The following GRIK4 variants were observed in gnomAD, a reference collection of about 807,000 sequenced individuals.
GRIK4 encodes glutamate receptor ionotropic, kainate 4.
A neutral mutation model predicts 104.9 loss-of-function variants in GRIK4; 40 were observed. The observed-to-expected ratio is 0.38, with a 90% CI of 0.30 to 0.50. The LOEUF is 0.50. Ranked by LOEUF, GRIK4 falls within the 20% of genes least tolerant of loss-of-function variation. The pLI, the probability that GRIK4 is intolerant of heterozygous loss-of-function variation, is 0.93. For missense variants in GRIK4, 1,047 were observed against 1,308.1 expected, an observed-to-expected ratio of 0.80 and a Z score of 3.08; for synonymous variants, 485 against 524.9, an observed-to-expected ratio of 0.92 and a Z score of 1.04.
chr11:120,623,781 G>A (rs898281944), intron 1 of GRIK4, among the ~76,000 whole-genome samples: 6 of 152,176 alleles, frequency 3.9e-5, no homozygotes, highest in African/African-American at 1.2e-4. Flanking sequence ...GCAGGGTCAC[G>A]TGTTCATCCA....
At chr11:120,893,306 G>A (rs1014668186) in intron 11 of GRIK4, among the ~76,000 whole-genome samples, 1 of 152,132 alleles carries the variant, frequency 6.6e-6, no homozygotes, top group African/African-American at 2.4e-5. Flanking sequence ...TTCTATGTAC[G>A]TGCAAACACA....
chr11:120,527,197 T>G (rs1947866388), intron 1 of GRIK4, among the ~76,000 whole-genome samples: 1 of 152,210 alleles, frequency 6.6e-6, no homozygotes, highest in Non-Finnish European at 1.5e-5. Flanking sequence ...CTTTGGCTTC[T>G]GGAGCTGCGT....
intron 3 of GRIK4, among the ~76,000 whole-genome samples, chr11:120,722,642 C>T (rs116757541): frequency 0.016 from 2,390 of 152,124 alleles, 56 homozygotes; most frequent in African/African-American, 0.054. Context: ...TGGGGCTTTT[C>T]CAAAGAGACA....
At chr11:120,645,757 C>G (rs539886959) in intron 1 of GRIK4, among the ~76,000 whole-genome samples, 1 of 152,352 alleles carries the variant, frequency 6.6e-6, no homozygotes, top group Admixed American at 6.5e-5. Context: ...TGGCGCCCGC[C>G]TTCACGTTCC....
chr11:120,601,340 C>T (rs868632840), intron 1 of GRIK4, among the ~76,000 whole-genome samples: 1 of 151,632 alleles, frequency 6.6e-6, no homozygotes, highest in African/African-American at 2.4e-5. Context: ...CGGGAGGTGG[C>T]GGTTGCAGTG....
chr11:120,967,134 A>T lies in GRIK4; in HGVS notation c.2267-61A>T, dbSNP rs1591342930. 1.3e-6 allele frequency: 2 copies of T among 1,546,354 alleles called. No homozygotes were observed. Among genetic ancestry groups the T allele is most frequent in the East Asian group, 4.6e-5 (2 of 43,358 alleles). The stretch of plus-strand genomic sequence containing the variant: ...CAGGAGGTGTGCCGGGAAGGGGAGC[A>T]GAGTGACACCTAACAGGGCATTCAC... On this transcript the variant is annotated intron_variant, in intron 18 of 20. Coordinates refer to ENST00000527524, the MANE Select transcript of GRIK4 (RefSeq NM_014619.5). The surrounding 1 kb of genome is among the most constrained non-coding windows in gnomAD (Gnocchi z 4.2).
chr11:120,922,346 C>G (rs903740538), intron 13 of GRIK4, among the ~76,000 whole-genome samples: 1 of 152,104 alleles, frequency 6.6e-6, no homozygotes. Context: ...TGCAGAGCTG[C>G]CCCCAGCAGT....
intron 3 of GRIK4, among the ~76,000 whole-genome samples, chr11:120,722,564 T>G (rs944425885): frequency 2.0e-5 from 3 of 151,442 alleles, no homozygotes; most frequent in African/African-American, 7.3e-5. Context: ...GCTGAGATCG[T>G]GCCATTGTAC....
At chr11:120,534,836 G>A (rs1947956639) in intron 1 of GRIK4, among the ~76,000 whole-genome samples, 1 of 152,174 alleles carries the variant, frequency 6.6e-6, no homozygotes, top group Non-Finnish European at 1.5e-5. Context: ...GCAGAGGTTT[G>A]AGGGAGCACT....
intron 13 of GRIK4, among the ~76,000 whole-genome samples, chr11:120,938,959 C>T (rs1943658574): frequency 6.6e-6 from 1 of 152,136 alleles, no homozygotes; most frequent in Non-Finnish European, 1.5e-5. Flanking sequence ...TAGGTGGCCC[C>T]ATAGACAGCA....
In GRIK4 at chr11:120,706,977, G is replaced by A. The variant is rs144948331; in HGVS notation, c.82+46577G>A. ...CCATGTCAGGCACCATGAAAAGAGC[G>A]AATAGCTACCAATCCTCTCTGACTT... On this transcript the variant is annotated intron_variant, in intron 3 of 20. Transcript: ENST00000527524. 2.4e-3 allele frequency among the ~76,000 whole-genome samples: 372 copies of A among 152,286 alleles called. 1 individual carries two copies. The highest frequency in any genetic ancestry group is 8.3e-3 in the African/African-American group (344 of 41,570).
chr11:120,898,322 T>G (rs1255245394), intron 11 of GRIK4, among the ~76,000 whole-genome samples: 1 of 151,250 alleles, frequency 6.6e-6, no homozygotes, highest in Non-Finnish European at 1.5e-5. Flanking sequence ...ACATCTTTAT[T>G]CCTTTCTTCC....
intron 3 of GRIK4, among the ~76,000 whole-genome samples, chr11:120,753,672 G>A (rs931129999): frequency 6.6e-6 from 1 of 152,178 alleles, no homozygotes; most frequent in African/African-American, 2.4e-5. Context: ...CTTAGGTGCT[G>A]TGGGGGAGAC....
chr11:120,689,828 C>T lies in GRIK4; in HGVS notation c.82+29428C>T, dbSNP rs186632935. On this transcript the variant is annotated intron_variant, in intron 3 of 20. Transcript: ENST00000527524. ...TGTCTGTTGGTTACTCCCACACCCC[C>T]GCCAGGGCAAACTCCTTGAAGGCAG... Among the ~76,000 whole-genome samples, 413 of 152,282 alleles carry T rather than the reference C, an allele frequency of 2.7e-3. 6 individuals carry two copies. Among genetic ancestry groups the T allele is most frequent in the Middle Eastern group, 6.8e-3 (2 of 294 alleles).
At chr11:120,585,711 CT>C (rs1264603047) in intron 1 of GRIK4, among the ~76,000 whole-genome samples, 1 of 132,516 alleles carries the variant, frequency 7.5e-6, no homozygotes, top group East Asian at 2.2e-4. Context: ...GATTAAAGTT[CT>C]TTTTTTGTTT....
At chr11:120,824,643 G>A (rs1365484631) in intron 6 of GRIK4, among the ~76,000 whole-genome samples, 9 of 143,400 alleles carry the variant, frequency 6.3e-5, no homozygotes, top group Non-Finnish European at 9.0e-5. Flanking sequence ...TTCATCTCTC[G>A]GGTTCAAGTG....
intron 9 of GRIK4, among the ~76,000 whole-genome samples, chr11:120,867,073 C>A (rs555409516): frequency 2.0e-5 from 3 of 152,138 alleles, no homozygotes; most frequent in Non-Finnish European, 4.4e-5. Context: ...TGGAGTAGAA[C>A]GTACATCTGT....
At chr11:120,654,901 G>A (rs551480924) in intron 2 of GRIK4, among the ~76,000 whole-genome samples, 2 of 152,194 alleles carry the variant, frequency 1.3e-5, no homozygotes, top group South Asian at 2.1e-4. Flanking sequence ...ATCAGAGGGC[G>A]GCACACATTT....
At chr11:120,739,467 G>T (rs1951288304) in intron 3 of GRIK4, among the ~76,000 whole-genome samples, 2 of 152,160 alleles carry the variant, frequency 1.3e-5, no homozygotes, top group African/African-American at 4.8e-5. Context: ...GAGCTCCCTT[G>T]GAGGTGAGAG....
Sources: allele counts gnomAD v4.1 joint callset (sites outside exome capture counted in the v4.1 genomes callset), GRCh38; gene constraint gnomAD v4.1.1; non-coding constraint Gnocchi (gnomAD v3.1); transcripts MANE v1.5; gene names NCBI Gene and HGNC (gene_info 2026-07-23, HGNC 2026-07-21).